The following GPLD1 variants were observed in gnomAD, a reference collection of about 807,000 sequenced individuals.
The protein encoded by GPLD1 is phosphatidylinositol-glycan-specific phospholipase D.
GPLD1 carries 84 observed loss-of-function variants against 112.6 expected under a neutral mutation model. That is an observed-to-expected ratio of 0.75 (90% CI 0.63 to 0.89). The LOEUF (loss-of-function observed/expected upper bound fraction) is 0.89. GPLD1 is among the 40% of genes least tolerant of loss of function. GPLD1 has a pLI of 0.00. For synonymous variants in GPLD1, 386 were observed against 403.8 expected (o/e 0.96, Z 0.53); for missense variants, 1,044 against 1,051.5 (o/e 0.99, Z 0.10).
At chr6:24,471,859 A>C (rs1163440516) in intron 7 of GPLD1, among the ~76,000 whole-genome samples, 1 of 152,216 alleles carries the variant, frequency 6.6e-6, no homozygotes, top group Non-Finnish European at 1.5e-5. Flanking sequence ...AGCTGGGACT[A>C]CAGATGCTGT....
chr6:24,486,002 G>T (rs1042883611), intron 2 of GPLD1, 73 bp downstream of exon 2: 5 of 898,968 alleles, frequency 5.6e-6, no homozygotes, highest in African/African-American at 3.3e-5. Context: ...TTAAATATCT[G>T]TTAGGATCTT....
intron 15 of GPLD1, among the ~76,000 whole-genome samples, chr6:24,448,790 A>T (rs983152822): frequency 5.3e-5 from 8 of 152,180 alleles, no homozygotes; most frequent in African/African-American, 1.7e-4. Context: ...TGTACCACTT[A>T]CCTGCCTGAG....
At chr6:24,469,863 G>C (rs1763739768) in intron 7 of GPLD1, among the ~76,000 whole-genome samples, 1 of 151,974 alleles carries the variant, frequency 6.6e-6, no homozygotes, top group African/African-American at 2.4e-5. Flanking sequence ...GTAGGTAAAA[G>C]AAAGAAACAA....
At chr6:24,456,844 G>A (rs1305982362) in intron 12 of GPLD1, among the ~76,000 whole-genome samples, 1 of 152,178 alleles carries the variant, frequency 6.6e-6, no homozygotes, top group Admixed American at 6.5e-5. Context: ...AAATTATGCT[G>A]AGGGATGGCA....
At chr6:24,451,340 T>G (rs1385852695) in intron 14 of GPLD1, among the ~76,000 whole-genome samples, 2 of 150,130 alleles carry the variant, frequency 1.3e-5, no homozygotes, top group Non-Finnish European at 2.9e-5. Context: ...CTCTTTTTTT[T>G]GTTTTTGTTT....
chr6:24,454,594 A>C (rs571426960), intron 13 of GPLD1, among the ~76,000 whole-genome samples: 4 of 152,328 alleles, frequency 2.6e-5, no homozygotes, highest in African/African-American at 9.6e-5. Flanking sequence ...AATTCGTTTC[A>C]ATGTGTTATC....
chr6:24,436,187 TTGAGGCTGCAG>T (rs1762573742), intron 22 of GPLD1, among the ~76,000 whole-genome samples: 1 of 151,424 alleles, frequency 6.6e-6, no homozygotes, highest in African/African-American at 2.4e-5. Flanking sequence ...GCCCAGGAGT[TTGAGGCTGCAG>T]TGGGCCATGA....
At chr6:24,457,920 G>T (rs1763319581) in intron 12 of GPLD1, among the ~76,000 whole-genome samples, 1 of 151,874 alleles carries the variant, frequency 6.6e-6, no homozygotes, top group Non-Finnish European at 1.5e-5. Flanking sequence ...CTGAGATGTG[G>T]TTGTATTTGC....
intron 20 of GPLD1, among the ~76,000 whole-genome samples, chr6:24,443,225 C>T (rs375210635): frequency 1.3e-5 from 2 of 152,072 alleles, no homozygotes; most frequent in Non-Finnish European, 2.9e-5. Context: ...GAAGGGGAAC[C>T]GAGGAAGAAG....
At chr6:24,431,451 C>T (rs1195101542) in intron 24 of GPLD1, among the ~76,000 whole-genome samples, 1 of 152,128 alleles carries the variant, frequency 6.6e-6, no homozygotes, top group Non-Finnish European at 1.5e-5. Context: ...AGAACAGGGA[C>T]TCTGCCCTCT....
rs564911523 is a variant in GPLD1, at chr6:24,443,638, A to T, written c.2020+1908T>A. Among the ~76,000 whole-genome samples, 42 of 152,140 alleles carry T rather than the reference A, an allele frequency of 2.8e-4. No homozygotes were observed. The South Asian group carries it at 7.7e-3, about 28-fold the overall frequency. On this transcript the variant is annotated intron_variant, in intron 20 of 24. Coordinates refer to ENST00000230036, the MANE Select transcript of GPLD1 (RefSeq NM_001503.4). ...TGCTGTGTCTTCGATTTAATGAAAA[A>T]TTTAGCCATTCCTTTGCCTAATCCA...
Position 24,449,804 on chromosome 6 carries a change from C to T in GPLD1, c.1431G>A (p.Glu477=). The change falls in exon 15 of 25, where the codon GAG becomes GAA. Residue 477 remains glutamate (E), a synonymous_variant. Transcript: ENST00000230036. ...LAVGAPSVGS[E]QLTYKGAVYV... The stretch of plus-strand genomic sequence containing the variant: ...GCAGCCTTACTTTGTAGGTGAGCTG[C>T]TCGGAGCCCACCGAGGGAGCTCCCA... The T allele has an allele frequency of 6.2e-7, 1 of 1,611,192 alleles. No individual in the cohort carries two copies. The highest frequency in any genetic ancestry group is 8.5e-7 in the Non-Finnish European group (1 of 1,177,620).
chr6:24,492,377 G>T (rs1373371278), upstream of GPLD1, among the ~76,000 whole-genome samples: 1 of 151,762 alleles, frequency 6.6e-6, no homozygotes, highest in Non-Finnish European at 1.5e-5. Flanking sequence ...ATGGTGGCGC[G>T]CACCTGTACT....
At position 24,427,530 on chromosome 6, in the gene GPLD1, A is replaced by G. The variant is rs909771483; in HGVS notation, c.*1502T>C. ...TTTGTCCTTCACTATATAAACATTG[A>G]AAAGGTATTAATCCTCATTAAGAAA... On this transcript the variant is annotated 3_prime_UTR_variant, in exon 25 of 25. Coordinates refer to ENST00000230036, the MANE Select transcript of GPLD1 (RefSeq NM_001503.4). 9.8e-5 allele frequency among the ~76,000 whole-genome samples: 15 copies of G among 152,296 alleles called. No individual in the cohort carries two copies. Among genetic ancestry groups the G allele is most frequent in the African/African-American group, 2.9e-4 (12 of 41,558 alleles).
chr6:24,489,435 A>G lies in GPLD1; in HGVS notation c.77T>C (p.Leu26Pro). 2 of 1,611,452 alleles carry G rather than the reference A, an allele frequency of 1.2e-6. No homozygotes were observed. The highest frequency in any genetic ancestry group is 1.7e-5 in the Admixed American group (1 of 60,026). Reference sequence around the variant, plus strand: ...CTTACCTATTTCTACGTGTGTTGAAAGGCCACACGGTGAACCTCTATGGCA... The same window carrying G: ...CTTACCTATTTCTACGTGTGTTGAAGGGCCACACGGTGAACCTCTATGGCA... ...SLCHRGSPCG[L>P]STHVEIGHRA... Residue 26 changes from leucine (L) to proline (P), a missense_variant, in exon 1 of 25, where the codon CTT becomes CCT. Physicochemically the swap from Leu to Pro is moderately conservative, Grantham distance 98. Transcript: ENST00000230036.
intron 17 of GPLD1, 64 bp downstream of exon 17, chr6:24,447,813 C>A: frequency 5.5e-6 from 8 of 1,461,812 alleles, no homozygotes; most frequent in Non-Finnish European, 7.6e-6. Context: ...AACCCCTATG[C>A]AGGATAAGTT....
chr6:24,432,565 C>CA (rs1405953646), intron 24 of GPLD1, among the ~76,000 whole-genome samples: 1 of 152,100 alleles, frequency 6.6e-6, no homozygotes, highest in Non-Finnish European at 1.5e-5. Context: ...TGCACCACTG[C>CA]ACTCCAGCAT....
intron 22 of GPLD1, among the ~76,000 whole-genome samples, chr6:24,434,739 G>A (rs1176668241): frequency 6.6e-6 from 1 of 150,670 alleles, no homozygotes; most frequent in Non-Finnish European, 1.5e-5. Flanking sequence ...TTGGGAGGCT[G>A]AGGCAGGAGA....
At chr6:24,437,844 C>T (rs1581732658) in intron 20 of GPLD1, among the ~76,000 whole-genome samples, 2 of 152,216 alleles carry the variant, frequency 1.3e-5, no homozygotes, top group East Asian at 3.8e-4. Flanking sequence ...ACTCCTGTCA[C>T]CCTGCAGAAT....
Sources: allele counts gnomAD v4.1 joint callset (sites outside exome capture counted in the v4.1 genomes callset), GRCh38; gene constraint gnomAD v4.1.1; transcripts MANE v1.5; gene names NCBI Gene and HGNC (gene_info 2026-07-23, HGNC 2026-07-21).